The following NR3C2 variants were observed in gnomAD, a reference collection of about 807,000 sequenced individuals.
The protein encoded by NR3C2 is nuclear receptor subfamily 3 group C member 2, also known as mineralocorticoid receptor.
Under a neutral mutation model 86.4 loss-of-function variants are expected in NR3C2, and 15 were observed. The ratio of observed to expected loss-of-function variants is 0.17; its 90% confidence interval spans 0.12 to 0.27. NR3C2 has a LOEUF of 0.27. Among genes scored for constraint, NR3C2 ranks in the 10% least tolerant of loss-of-function variants. The pLI is 1.00. For missense variants in NR3C2, 960 were observed against 1,195.6 expected, an observed-to-expected ratio of 0.80 and a Z score of 2.91; for synonymous variants, 458 against 450.5, an observed-to-expected ratio of 1.02 and a Z score of -0.21.
intron 4 of NR3C2, among the ~76,000 whole-genome samples, chr4:148,187,080 A>C (rs1735962382): frequency 6.9e-6 from 1 of 145,834 alleles, no homozygotes; most frequent in Non-Finnish European, 1.5e-5. Flanking sequence ...TATATGTGAT[A>C]TGTATATATC....
At chr4:148,108,529 G>A (rs1026695878) in intron 8 of NR3C2, among the ~76,000 whole-genome samples, 3 of 152,152 alleles carry the variant, frequency 2.0e-5, no homozygotes, top group Admixed American at 6.5e-5. Flanking sequence ...TTGGAGCAGG[G>A]AAGCCATGGC....
intron 3 of NR3C2, among the ~76,000 whole-genome samples, chr4:148,258,324 C>T (rs72655230): frequency 0.044 from 6,655 of 152,256 alleles, 470 homozygotes; most frequent in African/African-American, 0.15. Context: ...TTTACTGAAC[C>T]AATCATCTAA....
intron 8 of NR3C2, among the ~76,000 whole-genome samples, chr4:148,105,813 G>A (rs1196179970): frequency 1.3e-5 from 2 of 152,094 alleles, no homozygotes; most frequent in African/African-American, 4.8e-5. Flanking sequence ...AAAGGCCTTC[G>A]ATAAAATTCA....
At position 148,343,704 on chromosome 4, in the gene NR3C2, G is replaced by C. The variant is rs373851054; in HGVS notation, c.1758-83587C>G. ...TAAGAATCATTTTAAAGGTATATGAGAAAGTTTAAAAGGTCAGATTAGGTA... is the reference window on the plus strand; with the variant it reads ...TAAGAATCATTTTAAAGGTATATGACAAAGTTTAAAAGGTCAGATTAGGTA... On this transcript the variant is annotated intron_variant, in intron 2 of 8. Transcript: ENST00000358102. 1.5e-4 allele frequency among the ~76,000 whole-genome samples: 23 copies of C among 152,142 alleles called. No homozygotes were observed. In the South Asian group the frequency reaches 4.6e-3, roughly 30 times the overall value.
At chr4:148,401,641 T>G (rs983712449) in intron 2 of NR3C2, among the ~76,000 whole-genome samples, 34 of 152,110 alleles carry the variant, frequency 2.2e-4, no homozygotes, top group African/African-American at 8.2e-4. Flanking sequence ...TTTTTGTATT[T>G]TTAGTAGAGA....
chr4:148,192,129 C>A (rs899861247), intron 4 of NR3C2, among the ~76,000 whole-genome samples: 1 of 152,144 alleles, frequency 6.6e-6, no homozygotes, highest in Non-Finnish European at 1.5e-5. Flanking sequence ...GTCAGAGGGA[C>A]GGTCTAGGGC....
intron 8 of NR3C2, among the ~76,000 whole-genome samples, chr4:148,091,400 G>C (rs775471743): frequency 6.6e-6 from 1 of 152,238 alleles, no homozygotes; most frequent in Non-Finnish European, 1.5e-5. Context: ...CTTAGCAGAT[G>C]TTTAAGGTAG....
chr4:148,086,759 A>C (rs773936593), intron 8 of NR3C2, among the ~76,000 whole-genome samples: 1 of 152,128 alleles, frequency 6.6e-6, no homozygotes, highest in East Asian at 1.9e-4. Context: ...ACAAAAAAAT[A>C]AACTAGGTAT....
intron 8 of NR3C2, among the ~76,000 whole-genome samples, chr4:148,089,751 G>A (rs955974537): frequency 5.9e-5 from 9 of 152,176 alleles, no homozygotes; most frequent in Non-Finnish European, 7.4e-5. Context: ...CAAAGCTACA[G>A]CTACACTGGG....
chr4:148,156,662 C>T (rs1734403675), intron 4 of NR3C2, among the ~76,000 whole-genome samples: 2 of 149,654 alleles, frequency 1.3e-5, no homozygotes, highest in Non-Finnish European at 3.0e-5. Flanking sequence ...ACAACAGGTG[C>T]TGGAGAGGAT....
In NR3C2 at chr4:148,104,341, G is replaced by GT. The variant is rs1553985370; in HGVS notation, c.2799+9762_2799+9763insA. Among the ~76,000 whole-genome samples, 229 of 122,334 alleles carry GT rather than the reference G, an allele frequency of 1.9e-3. 1 individual carries two copies. The highest frequency in any genetic ancestry group is 7.4e-3 in the African/African-American group (206 of 27,708). The allele number at this position is 122,334 out of a possible 152,430, so 80.3% of individuals were successfully genotyped here. On this transcript the variant is annotated intron_variant, in intron 8 of 8. Coordinates refer to ENST00000358102, the MANE Select transcript of NR3C2 (RefSeq NM_000901.5). ...TGTTTGTTTTTTTGTGTTTTGGTTT[G>GT]GTTTTTTTTTTTTTTTTTTTTGCAT...
chr4:148,426,375 G>C (rs1749530361), intron 2 of NR3C2, among the ~76,000 whole-genome samples: 1 of 152,142 alleles, frequency 6.6e-6, no homozygotes, highest in Admixed American at 6.5e-5. Context: ...AAAAGGATAA[G>C]GTAACAAAGA....
intron 2 of NR3C2, among the ~76,000 whole-genome samples, chr4:148,424,443 C>T (rs184212183): frequency 6.6e-6 from 1 of 152,020 alleles, no homozygotes; most frequent in African/African-American, 2.4e-5. Flanking sequence ...TAGGTTTTTA[C>T]TGAACAAAAA....
At chr4:148,154,198 G>C (rs1173278246) in intron 5 of NR3C2, among the ~76,000 whole-genome samples, 5 of 151,872 alleles carry the variant, frequency 3.3e-5, no homozygotes, top group Non-Finnish European at 5.9e-5. Context: ...TAGTAGAAAC[G>C]GGGTTTCACC....
chr4:148,390,627 C>G (rs1747497451), intron 2 of NR3C2, among the ~76,000 whole-genome samples: 1 of 151,966 alleles, frequency 6.6e-6, no homozygotes. Flanking sequence ...GATGTGTGAC[C>G]CCAGAATTCA....
intron 2 of NR3C2, among the ~76,000 whole-genome samples, chr4:148,415,801 G>T (rs1000068952): frequency 6.6e-6 from 1 of 152,126 alleles, no homozygotes; most frequent in Non-Finnish European, 1.5e-5. Flanking sequence ...AATCATTACT[G>T]CTGCTCTTTT....
chr4:148,347,982 G>C (rs1745081471), intron 2 of NR3C2, among the ~76,000 whole-genome samples: 2 of 152,134 alleles, frequency 1.3e-5, no homozygotes, highest in African/African-American at 4.8e-5. Context: ...GGCAAAGAAA[G>C]AGAATACAGC....
intron 2 of NR3C2, among the ~76,000 whole-genome samples, chr4:148,277,308 T>C (rs1195886431): frequency 1.3e-5 from 2 of 152,184 alleles, no homozygotes; most frequent in Admixed American, 1.3e-4. Flanking sequence ...TAAAACAACA[T>C]GAATCATTGC....
intron 2 of NR3C2, among the ~76,000 whole-genome samples, chr4:148,353,538 C>T (rs972522802): frequency 2.0e-5 from 3 of 152,046 alleles, no homozygotes; most frequent in Non-Finnish European, 2.9e-5. Flanking sequence ...TAAAGGCTTA[C>T]ACAAAAGCAT....
Sources: allele counts gnomAD v4.1 joint callset (sites outside exome capture counted in the v4.1 genomes callset), GRCh38; gene constraint gnomAD v4.1.1; transcripts MANE v1.5; gene names NCBI Gene and HGNC (gene_info 2026-07-23, HGNC 2026-07-21).